The following GLDC variants were observed in gnomAD, a reference collection of about 807,000 sequenced individuals.
GLDC encodes the protein glycine dehydrogenase (decarboxylating), mitochondrial.
A neutral mutation model predicts 121.3 loss-of-function variants in GLDC; 104 were observed. The observed-to-expected ratio is 0.86, with a 90% CI of 0.73 to 1.01. The LOEUF is 1.01. Ranked by LOEUF, GLDC falls within the 50% of genes least tolerant of loss-of-function variation. GLDC has a pLI of 0.00. For missense variants in GLDC, 1,429 were observed against 1,306.6 expected (o/e 1.09, Z -1.44); for synonymous variants, 546 against 480.6 (o/e 1.14, Z -1.78).
At chr9:6,627,099 TC>T (rs1819259135) in intron 2 of GLDC, among the ~76,000 whole-genome samples, 1 of 151,826 alleles carries the variant, frequency 6.6e-6, no homozygotes, top group Non-Finnish European at 1.5e-5. Context: ...ATCGAGACCA[TC>T]CTGGCTAACA....
chr9:6,644,917 G>A, intron 1 of GLDC: 1 of 622,684 alleles, frequency 1.6e-6, no homozygotes, highest in Non-Finnish European at 2.8e-6. Flanking sequence ...GTTGCAACCG[G>A]AGCTAACCGG....
Position 6,623,137 on chromosome 9 carries a change from G to A in GLDC, c.335-2818C>T, listed in dbSNP as rs1359757103. 6 of 179,228 alleles carry A rather than the reference G, an allele frequency of 3.3e-5. 1 individual carries two copies. The highest frequency in any genetic ancestry group is 4.4e-5 in the Non-Finnish European group (4 of 91,522). The allele number at this position is 179,228 out of a possible 1,614,324, so 11.1% of individuals were successfully genotyped here. ...GTGTGCCCAACAGCTCATTGAGAAC[G>A]GGCCATGATGACAATGGCGGTTTTG... is the stretch of plus-strand genomic sequence containing the variant. On this transcript the variant is annotated intron_variant, in intron 2 of 24. Coordinates refer to ENST00000321612, the MANE Select transcript of GLDC (RefSeq NM_000170.3).
In GLDC at chr9:6,536,232, A is replaced by T; in HGVS notation, c.2670T>A (p.Phe890Leu). ...DVAKRLQDYGFHAPTMSWPVA... is the reference protein window; with the variant it reads ...DVAKRLQDYGLHAPTMSWPVA... ...CAGGCCAGGACATGGTAGGGGCGTGAAATCCTGCAAAGGGAGACAGGAGAA... is the reference window on the plus strand; with the variant it reads ...CAGGCCAGGACATGGTAGGGGCGTGTAATCCTGCAAAGGGAGACAGGAGAA... Residue 890 changes from phenylalanine to leucine, a missense_variant, in exon 23 of 25, where the codon TTT (phenylalanine) becomes TTA (leucine). Phe to Leu is a conservative substitution (Grantham distance 22). Coordinates refer to ENST00000321612, the MANE Select transcript of GLDC (RefSeq NM_000170.3). 1 of 1,613,358 alleles carries T rather than the reference A, an allele frequency of 6.2e-7. No homozygotes were observed. The highest frequency in any genetic ancestry group is 8.5e-7 in the Non-Finnish European group (1 of 1,179,684).
chr9:6,578,027 G>T (rs1262818540), intron 15 of GLDC, among the ~76,000 whole-genome samples: 1 of 151,396 alleles, frequency 6.6e-6, no homozygotes, highest in Non-Finnish European at 1.5e-5. Context: ...CAATCCTCTG[G>T]CCTCGGCCTC....
chr9:6,537,602 A>T (rs1817158044), intron 22 of GLDC, among the ~76,000 whole-genome samples: 1 of 152,156 alleles, frequency 6.6e-6, no homozygotes, highest in African/African-American at 2.4e-5. Context: ...GCAACATGGC[A>T]AAACCCCGTC....
intron 15 of GLDC, among the ~76,000 whole-genome samples, chr9:6,582,669 A>T (rs928310082): frequency 6.6e-6 from 1 of 151,912 alleles, no homozygotes; most frequent in African/African-American, 2.4e-5. Flanking sequence ...CTCTACTAAA[A>T]ATACAAAAAA....
intron 3 of GLDC, 46 bp from the exon 4 acceptor site, chr9:6,610,402 A>G: frequency 6.3e-7 from 1 of 1,593,342 alleles, no homozygotes; most frequent in Non-Finnish European, 8.6e-7. Context: ...TGCTGTTTAG[A>G]GAAGCACACA....
intron 2 of GLDC, among the ~76,000 whole-genome samples, chr9:6,642,688 A>G (rs930418972): frequency 6.6e-6 from 1 of 152,152 alleles, no homozygotes; most frequent in African/African-American, 2.4e-5. Flanking sequence ...CAACTTTGCC[A>G]TGTTTCCCAG....
intron 20 of GLDC, among the ~76,000 whole-genome samples, chr9:6,551,239 A>G (rs1817508576): frequency 6.6e-6 from 1 of 152,130 alleles, no homozygotes; most frequent in Non-Finnish European, 1.5e-5. Flanking sequence ...GTGTTTTGTG[A>G]TTTTTTTGTT....
intron 4 of GLDC, among the ~76,000 whole-genome samples, chr9:6,609,006 G>A (rs1012490807): frequency 1.3e-5 from 2 of 152,070 alleles, no homozygotes; most frequent in Non-Finnish European, 2.9e-5. Flanking sequence ...CAAGTATGGA[G>A]CTCACTCCCC....
chr9:6,534,791 G>A lies in GLDC; in HGVS notation c.2839-3C>T, dbSNP rs1252272018. On this transcript the variant is annotated splice_region_variant and splice_polypyrimidine_tract_variant and intron_variant, in intron 23 of 24. Coordinates refer to ENST00000321612, the MANE Select transcript of GLDC (RefSeq NM_000170.3). ...CAGGTCAGGGAGTGTGGAGACATCT[G>A]AGACAGAGACACGGACAGAGGAGGG... The A allele has an allele frequency of 2.6e-6, 4 of 1,557,066 alleles. No individual in the cohort carries two copies. In the South Asian group the frequency reaches 3.3e-5, roughly 13 times the overall value.
At chr9:6,588,511 C>G in intron 13 of GLDC, 69 bp from the exon 14 acceptor site, 1 of 1,462,074 alleles carries the variant, frequency 6.8e-7, no homozygotes, top group Admixed American at 1.7e-5. Flanking sequence ...ACCCTCCATT[C>G]TCCCAGCATG....
chr9:6,536,121 C>A lies in GLDC; in HGVS notation c.2781G>T (p.Arg927=), dbSNP rs1817121991. 9.3e-6 allele frequency: 15 copies of A among 1,614,102 alleles called. No homozygotes were observed. The highest frequency in any genetic ancestry group is 1.3e-5 in the Non-Finnish European group (15 of 1,179,948). ...DRFCDAMISI[R]QEIADIEEGR... is the part of the protein sequence containing the mutation. Reference sequence around the variant, plus strand: ...CCTCCTCAATGTCAGCAATTTCCTGCCGAATGCTGATCATGGCATCACAGA... The same window carrying A: ...CCTCCTCAATGTCAGCAATTTCCTGACGAATGCTGATCATGGCATCACAGA... Residue 927 remains arginine (R), a synonymous_variant, in exon 23 of 25, where the codon CGG becomes CGT. Coordinates refer to ENST00000321612, the MANE Select transcript of GLDC (RefSeq NM_000170.3).
At chr9:6,639,668 A>AAAAAAAAATATATATATAT in intron 2 of GLDC, 12 of 250,580 alleles carry the variant, frequency 4.8e-5, no homozygotes, top group African/African-American at 1.6e-4. Context: ...ATAAAAAAAA[A>AAAAAAAAATATATATATAT]GTATATATAT....
At chr9:6,553,345 C>G (rs1396457840) in intron 20 of GLDC, 23 bp downstream of exon 20, 1 of 1,612,838 alleles carries the variant, frequency 6.2e-7, no homozygotes, top group Non-Finnish European at 8.5e-7. Context: ...ACCTGCACAC[C>G]TGCACATACT....
At chr9:6,558,525 G>A (rs375186817) in intron 17 of GLDC, 34 bp downstream of exon 17, 24 of 1,612,640 alleles carry the variant, frequency 1.5e-5, no homozygotes, top group East Asian at 8.9e-5. Context: ...TCCCCATCCC[G>A]GCCTCTCCCA....
chr9:6,631,381 A>T (rs892415635), intron 2 of GLDC, among the ~76,000 whole-genome samples: 7 of 152,110 alleles, frequency 4.6e-5, no homozygotes, highest in African/African-American at 1.7e-4. Context: ...TAGCTTCAAG[A>T]CCCTACCAGC....
At chr9:6,589,125 C>A in intron 12 of GLDC, 70 bp downstream of exon 12, 1 of 939,392 alleles carries the variant, frequency 1.1e-6, no homozygotes, top group Non-Finnish European at 1.8e-6. Flanking sequence ...AAATCAGCAG[C>A]AGCACTCTGC....
intron 2 of GLDC, among the ~76,000 whole-genome samples, chr9:6,626,678 T>G (rs1409626921): frequency 1.3e-5 from 2 of 152,248 alleles, no homozygotes; most frequent in Non-Finnish European, 2.9e-5. Context: ...ATTTGAATTT[T>G]CCTTTCACAA....
Sources: gnomAD v4.1 joint callset for allele counts (sites outside exome capture counted in the v4.1 genomes callset) on GRCh38, gnomAD v4.1.1 for gene constraint, MANE v1.5 for transcripts, NCBI Gene and HGNC (gene_info 2026-07-23, HGNC 2026-07-21) for gene names.